TSHZ1: variants seen among roughly 807,000 people sequenced by gnomAD.
TSHZ1 encodes teashirt homolog 1.
Under a neutral mutation model 67.1 loss-of-function variants are expected in TSHZ1, and 12 were observed. That is an observed-to-expected ratio of 0.18 (90% CI 0.11 to 0.29). TSHZ1 has a LOEUF of 0.29. Among genes scored for constraint, TSHZ1 ranks in the 10% least tolerant of loss-of-function variants. The probability of loss-of-function intolerance (pLI) is 1.00; values close to 1 mark genes in which losing one functional copy is unlikely to be tolerated. For synonymous variants in TSHZ1, 632 were observed against 622.4 expected (o/e 1.02, Z -0.23); for missense variants, 1,305 against 1,413.9 (o/e 0.92, Z 1.23).
intron 1 of TSHZ1, among the ~76,000 whole-genome samples, chr18:75,218,447 C>T (rs1294009494): frequency 2.6e-5 from 4 of 152,236 alleles, no homozygotes; most frequent in African/African-American, 9.6e-5. Context: ...GGAACAGCTC[C>T]TCCTGTACAG....
At chr18:75,255,001 T>A (rs1568361487) in intron 1 of TSHZ1, among the ~76,000 whole-genome samples, 1 of 152,230 alleles carries the variant, frequency 6.6e-6, no homozygotes. Flanking sequence ...TTTCAATAAT[T>A]GATAGTATAA....
chr18:75,259,223 C>G (rs147965618), intron 1 of TSHZ1, among the ~76,000 whole-genome samples: 11 of 152,280 alleles, frequency 7.2e-5, no homozygotes, highest in Non-Finnish European at 1.3e-4. Flanking sequence ...AGAGATTTCA[C>G]TCAGTCTCTT....
intron 1 of TSHZ1, chr18:75,285,202 A>G (rs2023735361): frequency 9.1e-6 from 3 of 331,004 alleles, no homozygotes; most frequent in African/African-American, 2.1e-5. Flanking sequence ...TCAAACTGAC[A>G]TCTTTGGGAC....
chr18:75,220,644 T>C (rs552521672), intron 1 of TSHZ1, among the ~76,000 whole-genome samples: 2 of 152,286 alleles, frequency 1.3e-5, no homozygotes, highest in Admixed American at 1.3e-4. Flanking sequence ...ATCACAACTG[T>C]GATGTTCTTT....
intron 1 of TSHZ1, among the ~76,000 whole-genome samples, chr18:75,276,078 C>T (rs755922321): frequency 6.6e-6 from 1 of 152,070 alleles, no homozygotes; most frequent in Non-Finnish European, 1.5e-5. Flanking sequence ...AAGATTAACA[C>T]CTAAAGTGCT....
At chr18:75,275,378 A>T (rs188466492) in intron 1 of TSHZ1, among the ~76,000 whole-genome samples, 1 of 152,304 alleles carries the variant, frequency 6.6e-6, no homozygotes, top group East Asian at 1.9e-4. Flanking sequence ...CAGTGCTGTG[A>T]AGGTAACTGG....
intron 1 of TSHZ1, among the ~76,000 whole-genome samples, chr18:75,253,622 GCTGA>G (rs1568361190): frequency 6.6e-6 from 1 of 152,222 alleles, no homozygotes; most frequent in Admixed American, 6.5e-5. Context: ...GTCTGTGAAG[GCTGA>G]CTGTTTAAAA....
chr18:75,250,844 G>A (rs2023293974), intron 1 of TSHZ1, among the ~76,000 whole-genome samples: 1 of 152,236 alleles, frequency 6.6e-6, no homozygotes, highest in Non-Finnish European at 1.5e-5. Context: ...TTCGGTGCCT[G>A]TGGGAGGGCG....
chr18:75,274,499 T>G (rs1383486433), intron 1 of TSHZ1, among the ~76,000 whole-genome samples: 1 of 152,194 alleles, frequency 6.6e-6, no homozygotes, highest in African/African-American at 2.4e-5. Flanking sequence ...GATATTCTGA[T>G]AGGTTAATCA....
intron 1 of TSHZ1, among the ~76,000 whole-genome samples, chr18:75,231,993 C>G (rs1464356120): frequency 6.6e-6 from 1 of 152,154 alleles, no homozygotes; most frequent in African/African-American, 2.4e-5. Context: ...ACTGCAACCT[C>G]TGCCTCCTGG....
intron 1 of TSHZ1, among the ~76,000 whole-genome samples, chr18:75,266,207 C>G (rs546954096): frequency 2.6e-5 from 4 of 152,300 alleles, no homozygotes; most frequent in African/African-American, 9.6e-5. Flanking sequence ...AGGGCCTCAC[C>G]CTGTCCTCAC....
At chr18:75,253,351 T>G (rs2023326321) in intron 1 of TSHZ1, among the ~76,000 whole-genome samples, 2 of 152,250 alleles carry the variant, frequency 1.3e-5, no homozygotes, top group Non-Finnish European at 2.9e-5. Context: ...CTTTTCTATT[T>G]TGAGAAAATA....
At chr18:75,255,169 T>G (rs1454190306) in intron 1 of TSHZ1, among the ~76,000 whole-genome samples, 5 of 152,226 alleles carry the variant, frequency 3.3e-5, no homozygotes, top group South Asian at 2.1e-4. Flanking sequence ...TTCTTCCTCC[T>G]CTACCATCTG....
chr18:75,285,871 C>CCG lies in TSHZ1; in HGVS notation c.465_466insGC (p.Pro156AlafsTer107). 1 of 1,452,976 alleles carries CCG rather than the reference C, an allele frequency of 6.9e-7. No individual in the cohort carries two copies. Among genetic ancestry groups the CCG allele is most frequent in the Non-Finnish European group, 9.4e-7 (1 of 1,067,656 alleles). The allele number at this position is 1,452,976 out of a possible 1,614,324, so 90.0% of individuals were successfully genotyped here. On this transcript the variant is annotated frameshift_variant, in exon 2 of 2. Transcript: ENST00000580243. LOFTEE classifies it high-confidence loss of function. ...GATGCCAGCCAGAAGGAGAGCTCCG[C>CCG]CCCCACCCCCACACCCCCCACCTGC... is the stretch of plus-strand genomic sequence containing the variant.
At chr18:75,266,631 C>T (rs1393659528) in intron 1 of TSHZ1, among the ~76,000 whole-genome samples, 1 of 152,202 alleles carries the variant, frequency 6.6e-6, no homozygotes, top group African/African-American at 2.4e-5. Context: ...AAAAGTGGCA[C>T]TAAAATTGAA....
At position 75,287,485 on chromosome 18, in the gene TSHZ1, A is replaced by G. The variant is rs765563421; in HGVS notation, c.2078A>G (p.Lys693Arg). The G allele has an allele frequency of 1.9e-6, 3 of 1,614,230 alleles. No homozygotes were observed. The East Asian group carries it at 6.7e-5, about 36-fold the overall frequency. The stretch of plus-strand genomic sequence containing the variant: ...GAAGTCAGCGGCAAACCACAGAAGA[A>G]GGGCCCTGAGGCCGAGACTGGGAAG... Reference protein sequence around the residue: ...TEEVSGKPQKKGPEAETGKAK... With the variant: ...TEEVSGKPQKRGPEAETGKAK... The change falls in exon 2 of 2, where the codon AAG becomes AGG. Residue 693 changes from lysine (K) to arginine (R), a missense_variant. By Grantham distance (26) the Lys-to-Arg change is conservative (BLOSUM62 2). Around this residue, in one of 3 missense-constraint regions of TSHZ1, gnomAD observed 909 missense variants for 961.8 expected, o/e 0.95. Transcript: ENST00000580243. The surrounding 1 kb of genome is among the most constrained non-coding windows in gnomAD (Gnocchi z 5.0).
At position 75,287,177 on chromosome 18, in the gene TSHZ1, G is replaced by C; in HGVS notation, c.1770G>C (p.Lys590Asn). 1 of 1,613,700 alleles carries C rather than the reference G, an allele frequency of 6.2e-7. No homozygotes were observed. The highest frequency in any genetic ancestry group is 1.1e-5 in the South Asian group (1 of 91,050). Residue 590 changes from lysine (K) to asparagine (N), a missense_variant, in exon 2 of 2, where the codon AAG becomes AAC. Lys to Asn is a moderately conservative substitution (Grantham distance 94). This residue lies in a region of TSHZ1 where 909 missense variants were observed against 961.8 expected (regional missense o/e 0.95). Coordinates refer to ENST00000580243, the MANE Select transcript of TSHZ1 (RefSeq NM_001308210.2). This position sits in a 1 kb window ranked among gnomAD's most constrained non-coding sequence, Gnocchi z 5.0. ...HAAYQLPGTV[K>N]PLPAAVQSVQ... is the part of the protein sequence containing the mutation. ...CCTACCAGCTCCCGGGCACCGTGAA[G>C]CCACTGCCGGCGGCCGTGCAGAGCG...
At chr18:75,217,724 C>T (rs978632384) in intron 1 of TSHZ1, among the ~76,000 whole-genome samples, 6 of 152,088 alleles carry the variant, frequency 3.9e-5, no homozygotes, top group African/African-American at 1.2e-4. Context: ...ACCTGCATGG[C>T]GTGTCACGAA....
At chr18:75,235,567 T>C (rs556308354) in intron 1 of TSHZ1, among the ~76,000 whole-genome samples, 3 of 152,332 alleles carry the variant, frequency 2.0e-5, no homozygotes, top group African/African-American at 7.2e-5. Flanking sequence ...TGCTTATTTC[T>C]TGACAGTTCA....
Sources: gnomAD v4.1 joint callset for allele counts (sites outside exome capture counted in the v4.1 genomes callset) on GRCh38, gnomAD v4.1.1 for gene constraint, gnomAD v4.1.1 regional missense constraint, Gnocchi (gnomAD v3.1) non-coding constraint, MANE v1.5 for transcripts, NCBI Gene and HGNC (gene_info 2026-07-23, HGNC 2026-07-21) for gene names.